ARL17A: variants seen among roughly 807,000 people sequenced by gnomAD.
The protein encoded by ARL17A is ADP-ribosylation factor-like 17-like.
At chr17:46,549,137 T>C (rs376591627), downstream of ARL17A, 43 of 1,611,434 alleles carry the variant, frequency 2.7e-5, no homozygotes, top group Middle Eastern at 1.6e-4. Flanking sequence ...AAAAGTTATC[T>C]GAGTAGACTG....
intron 3 of ARL17A, chr17:46,546,361 AC>A (rs1383083128): frequency 1.4e-6 from 1 of 710,622 alleles, no homozygotes; most frequent in East Asian, 2.6e-5. Context: ...TCTGACAAAC[AC>A]CACACATTGT....
chr17:46,545,258 T>C (rs1486145946), intron 3 of ARL17A, among the ~76,000 whole-genome samples: 2 of 140,940 alleles, frequency 1.4e-5, no homozygotes, highest in East Asian at 2.1e-4. Flanking sequence ...ATGGGGAAAC[T>C]CTGTCACTAC....
chr17:46,530,504 G>A (rs1287600737), intron 4 of ARL17A, among the ~76,000 whole-genome samples: 1 of 101,366 alleles, frequency 9.9e-6, no homozygotes, highest in African/African-American at 3.8e-5. Flanking sequence ...TCCCAGCCTC[G>A]CCACTGACTC....
downstream of ARL17A, among the ~76,000 whole-genome samples, chr17:46,516,269 C>T (rs1262644755): frequency 1.6e-5 from 2 of 128,628 alleles, no homozygotes; most frequent in Non-Finnish European, 3.5e-5. Flanking sequence ...CACCACTGCA[C>T]TCCAGCCTGG....
At chr17:46,501,186 T>C in the ARL17A span, among the ~76,000 whole-genome samples, 44 of 151,242 alleles carry the variant, frequency 2.9e-4, no homozygotes, top group East Asian at 4.1e-3. Context: ...CCAGCTATAT[T>C]GACTTGTTTT....
chr17:46,516,286 G>T (rs1165010536), downstream of ARL17A, among the ~76,000 whole-genome samples: 9 of 111,786 alleles, frequency 8.1e-5, no homozygotes, highest in Non-Finnish European at 1.2e-4. Context: ...CTGGGCGACA[G>T]AGCAAGACTC....
downstream of ARL17A, chr17:46,548,973 T>TA: frequency 6.2e-7 from 1 of 1,612,274 alleles, no homozygotes; most frequent in Admixed American, 1.7e-5. Flanking sequence ...TAACCCACGC[T>TA]ATTTCCATTT....
chr17:46,534,652 C>G (rs946253187), intron 4 of ARL17A, among the ~76,000 whole-genome samples: 4 of 148,938 alleles, frequency 2.7e-5, no homozygotes, highest in African/African-American at 5.1e-5. Context: ...ACATTTCCCC[C>G]TTTTCTATTC....
At chr17:46,534,931 G>C (rs2054407238) in intron 4 of ARL17A, among the ~76,000 whole-genome samples, 1 of 149,842 alleles carries the variant, frequency 6.7e-6, no homozygotes, top group South Asian at 2.1e-4. Context: ...TCTCAGATGG[G>C]GCGGCTGCCA....
intron 4 of ARL17A, chr17:46,528,870 G>C: frequency 1.5e-6 from 1 of 665,912 alleles, no homozygotes; most frequent in Non-Finnish European, 2.7e-6. Flanking sequence ...CTATGTAGGT[G>C]AATAAAGGAA....
chr17:46,533,828 T>C (rs2054116688), intron 4 of ARL17A, among the ~76,000 whole-genome samples: 1 of 94,360 alleles, frequency 1.1e-5, no homozygotes, highest in Non-Finnish European at 1.9e-5. Context: ...TTGTGCAGAT[T>C]CACGTTAGTA....
Position 46,535,068 on chromosome 17 carries a change from A to AT in ARL17A, c.335+3282dup, listed in dbSNP as rs1327298928. Among the ~76,000 whole-genome samples the AT allele has an allele frequency of 2.0e-5, 3 of 147,916 alleles. 1 individual carries two copies. The highest frequency in any genetic ancestry group is 2.1e-4 in the South Asian group (1 of 4,714). On this transcript the variant is annotated intron_variant, in intron 4 of 4. Transcript: ENST00000329240. ...GACGGGCATGCCCAGTTATTTTCAA[A>AT]TTTTTTGTAGAGACAGGGTTTTACT... is the stretch of plus-strand genomic sequence containing the variant.
intron 2 of ARL17A, among the ~76,000 whole-genome samples, chr17:46,575,545 G>A (rs909984351): frequency 8.2e-6 from 1 of 121,464 alleles, no homozygotes; most frequent in African/African-American, 3.1e-5. Flanking sequence ...TAGCTGCGAG[G>A]AATGAGGGGC....
rs2057131824 is a variant in ARL17A, at chr17:46,554,226, G to A, written c.*3130C>T. 1 of 163,582 alleles carries A rather than the reference G, an allele frequency of 6.1e-6. No homozygotes were observed. Among genetic ancestry groups the A allele is most frequent in the Non-Finnish European group, 8.9e-6 (1 of 112,506 alleles). The allele number at this position is 163,582 out of a possible 1,614,324, so 10.1% of individuals were successfully genotyped here. On this transcript the variant is annotated 3_prime_UTR_variant, in exon 4 of 4. Coordinates refer to ENST00000336125, the MANE Select transcript of ARL17A (RefSeq NM_001113738.2). ...TGGGATCACTTGAGGTTAGGAGCTC[G>A]TGACCAGCCTGACCAACATGGTGAA...
the ARL17A span, among the ~76,000 whole-genome samples, chr17:46,502,009 C>A: frequency 6.6e-6 from 1 of 151,374 alleles, no homozygotes; most frequent in South Asian, 2.1e-4. Flanking sequence ...TAACCTGTGA[C>A]CATTTCACAT....
downstream of ARL17A, among the ~76,000 whole-genome samples, chr17:46,525,446 G>T (rs58694652): frequency 2.7e-5 from 3 of 111,520 alleles, no homozygotes; most frequent in African/African-American, 9.6e-5. Context: ...AATTAGCTGG[G>T]CATGGTGGCA....
chr17:46,503,072 A>G, the ARL17A span, among the ~76,000 whole-genome samples: 1 of 150,674 alleles, frequency 6.6e-6, no homozygotes, highest in Non-Finnish European at 1.5e-5. Context: ...ATTAGCCGGC[A>G]GTGGTGGGGG....
rs1280951436 is a variant in ARL17A, at chr17:46,542,575, G to C, written c.260-4149C>G. On this transcript the variant is annotated intron_variant, in intron 3 of 4. Transcript: ENST00000329240. ...CCAGGTGTGGTGGCACACGCCTGTA[G>C]TCCCAGCTACTAGGGAACCTGAGTC... 1.3e-5 allele frequency among the ~76,000 whole-genome samples: 2 copies of C among 149,450 alleles called. 1 individual carries two copies. The highest frequency in any genetic ancestry group is 5.1e-5 in the African/African-American group (2 of 39,080).
chr17:46,502,044 T>A, the ARL17A span, among the ~76,000 whole-genome samples: 1 of 151,352 alleles, frequency 6.6e-6, no homozygotes, highest in Admixed American at 6.6e-5. Context: ...GGTAAAGGTA[T>A]GGTAAAGATG....
Sources: gnomAD v4.1 joint callset for allele counts (sites outside exome capture counted in the v4.1 genomes callset) on GRCh38, gnomAD v4.1.1 for gene constraint, MANE v1.5 for transcripts, NCBI Gene and HGNC (gene_info 2026-07-23, HGNC 2026-07-21) for gene names.